The following RTN1 variants were observed in gnomAD, a reference collection of about 807,000 sequenced individuals.
RTN1 encodes the protein reticulon-1.
RTN1 carries 25 observed loss-of-function variants against 65.5 expected under a neutral mutation model. The ratio of observed to expected loss-of-function variants is 0.38; its 90% confidence interval spans 0.28 to 0.53. The LOEUF is 0.53. Ranked by LOEUF, RTN1 falls within the 20% of genes least tolerant of loss-of-function variation. RTN1 has a pLI of 0.79. For missense variants in RTN1, 983 were observed against 1,025.4 expected, an observed-to-expected ratio of 0.96 and a Z score of 0.57; for synonymous variants, 471 against 447.6, an observed-to-expected ratio of 1.05 and a Z score of -0.66.
intron 3 of RTN1, among the ~76,000 whole-genome samples, chr14:59,625,368 G>A (rs1017267066): frequency 2.0e-5 from 3 of 152,142 alleles, no homozygotes; most frequent in Admixed American, 6.5e-5. Flanking sequence ...GTGTCCCTCT[G>A]TAGGGTCTAA....
At chr14:59,625,764 A>T (rs1163336859) in intron 3 of RTN1, among the ~76,000 whole-genome samples, 3 of 152,208 alleles carry the variant, frequency 2.0e-5, no homozygotes, top group Non-Finnish European at 4.4e-5. Flanking sequence ...GAAAAAAATA[A>T]AGCCATTATT....
chr14:59,695,307 T>C (rs925585650), intron 3 of RTN1, among the ~76,000 whole-genome samples: 10 of 152,178 alleles, frequency 6.6e-5, no homozygotes, highest in South Asian at 4.1e-4. Context: ...CAAACAACTA[T>C]ACAACCTTCA....
chr14:59,613,321 T>G (rs1882010725), intron 3 of RTN1, among the ~76,000 whole-genome samples: 1 of 152,164 alleles, frequency 6.6e-6, no homozygotes, highest in South Asian at 2.1e-4. Context: ...TTTTTTGACA[T>G]GGTGTCTCAC....
At chr14:59,862,866 A>C (rs1246827878) in intron 1 of RTN1, among the ~76,000 whole-genome samples, 1 of 152,040 alleles carries the variant, frequency 6.6e-6, no homozygotes, top group African/African-American at 2.4e-5. Flanking sequence ...CCTCTTCTCA[A>C]ACTTTCAACA....
intron 1 of RTN1, among the ~76,000 whole-genome samples, chr14:59,866,479 G>A (rs1887800594): frequency 6.6e-6 from 1 of 152,016 alleles, no homozygotes; most frequent in Non-Finnish European, 1.5e-5. Flanking sequence ...GTTCATGAAG[G>A]GAAAGTTAAC....
chr14:59,676,339 C>T (rs558655585), intron 3 of RTN1, among the ~76,000 whole-genome samples: 1 of 152,200 alleles, frequency 6.6e-6, no homozygotes, highest in South Asian at 2.1e-4. Context: ...GCAAGTGCTA[C>T]TGTTCTTTTC....
At chr14:59,720,721 CAA>C (rs3036118) in intron 3 of RTN1, among the ~76,000 whole-genome samples, 47,978 of 133,548 alleles carry the variant, frequency 0.36, 8,137 homozygotes, top group Admixed American at 0.5. Context: ...GACCCTATCT[CAA>C]AAAAAAAAAA....
At chr14:59,733,470 T>C (rs1405043277) in intron 2 of RTN1, among the ~76,000 whole-genome samples, 1 of 151,774 alleles carries the variant, frequency 6.6e-6, no homozygotes, top group Non-Finnish European at 1.5e-5. Flanking sequence ...TCCAGCCACA[T>C]CTGCTGGCAC....
chr14:59,649,116 C>G (rs1882965576), intron 3 of RTN1, among the ~76,000 whole-genome samples: 1 of 152,160 alleles, frequency 6.6e-6, no homozygotes, highest in Admixed American at 6.5e-5. Flanking sequence ...CATTTACAAC[C>G]ATCTGATCTT....
chr14:59,625,194 T>C lies in RTN1; in HGVS notation c.1766-17702A>G, dbSNP rs1035902550. On this transcript the variant is annotated intron_variant, in intron 3 of 8. Coordinates refer to ENST00000267484, the MANE Select transcript of RTN1 (RefSeq NM_021136.3). ...AATCCCTATTGATATATAGTAATCA[T>C]AATATTTTTGTCATAGAATATTAGG... is the stretch of plus-strand genomic sequence containing the variant. Among the ~76,000 whole-genome samples, 6 of 152,238 alleles carry C rather than the reference T, an allele frequency of 3.9e-5. 1 individual carries two copies. The highest frequency in any genetic ancestry group is 2.6e-4 in the Admixed American group (4 of 15,288).
intron 1 of RTN1, among the ~76,000 whole-genome samples, chr14:59,852,716 T>C (rs546533710): frequency 6.6e-6 from 1 of 152,198 alleles, no homozygotes; most frequent in African/African-American, 2.4e-5. Flanking sequence ...TCTCTTTCTC[T>C]CATTTCTCCA....
intron 8 of RTN1, among the ~76,000 whole-genome samples, chr14:59,599,534 G>T (rs1219222435): frequency 1.3e-5 from 2 of 152,134 alleles, no homozygotes; most frequent in Non-Finnish European, 2.9e-5. Flanking sequence ...CATCTTTAGG[G>T]TCTATTATTT....
intron 2 of RTN1, among the ~76,000 whole-genome samples, chr14:59,729,538 C>A (rs932352054): frequency 6.6e-6 from 1 of 152,120 alleles, no homozygotes; most frequent in African/African-American, 2.4e-5. Flanking sequence ...TTTCAGACAG[C>A]GGAAAAGTGT....
chr14:59,609,324 T>C (rs1381555844), intron 3 of RTN1, among the ~76,000 whole-genome samples: 1 of 151,262 alleles, frequency 6.6e-6, no homozygotes, highest in Admixed American at 6.6e-5. Context: ...GGCCTAATCC[T>C]TTTCTTTTTT....
chr14:59,630,343 A>C, intron 3 of RTN1: 1 of 1,449,512 alleles, frequency 6.9e-7, no homozygotes, highest in Non-Finnish European at 9.6e-7. Context: ...CTGGGGTATA[A>C]AGCATGCACA....
intron 3 of RTN1, among the ~76,000 whole-genome samples, chr14:59,616,623 T>C (rs902103159): frequency 6.6e-6 from 1 of 152,214 alleles, no homozygotes; most frequent in Non-Finnish European, 1.5e-5. Flanking sequence ...ATAATTGTTA[T>C]GTAAAATTGT....
At chr14:59,656,739 C>A (rs1883130132) in intron 3 of RTN1, among the ~76,000 whole-genome samples, 1 of 152,202 alleles carries the variant, frequency 6.6e-6, no homozygotes, top group Non-Finnish European at 1.5e-5. Flanking sequence ...TCCTATACAT[C>A]TCTCAGAATG....
chr14:59,701,521 A>G (rs1208046780), intron 3 of RTN1, among the ~76,000 whole-genome samples: 1 of 152,216 alleles, frequency 6.6e-6, no homozygotes, highest in African/African-American at 2.4e-5. Context: ...ACATGCTATA[A>G]CATGGATGAA....
intron 4 of RTN1, 93 bp downstream of exon 4, chr14:59,607,192 G>T: frequency 9.0e-7 from 1 of 1,112,420 alleles, no homozygotes; most frequent in South Asian, 1.4e-5. Context: ...GGGTCTCAGA[G>T]AAACATGACT....
Sources: allele counts gnomAD v4.1 joint callset (sites outside exome capture counted in the v4.1 genomes callset), GRCh38; gene constraint gnomAD v4.1.1; transcripts MANE v1.5; gene names NCBI Gene and HGNC (gene_info 2026-07-23, HGNC 2026-07-21).